The following CMIP variants were observed in gnomAD, a reference collection of about 807,000 sequenced individuals.
CMIP encodes the protein c-Maf inducing protein, also known as C-Maf-inducing protein.
CMIP carries 13 observed loss-of-function variants against 97.3 expected under a neutral mutation model. The ratio of observed to expected loss-of-function variants is 0.13; its 90% confidence interval spans 0.09 to 0.21. CMIP has a LOEUF of 0.21. Ranked by LOEUF, CMIP falls within the 10% of genes least tolerant of loss-of-function variation. The pLI is 1.00. For synonymous variants in CMIP, 538 were observed against 436.3 expected (o/e 1.23, Z -2.91); for missense variants, 847 against 1,024.9 (o/e 0.83, Z 2.37).
rs559438928 is a variant in CMIP, at chr16:81,476,344, C to T, written c.300+30803C>T. ...GAAGTCACCACCCTGATACATAAAC[C>T]CTGGAATGTTCCTGTGAAAGCAGGA... On this transcript the variant is annotated intron_variant, in intron 1 of 20. Transcript: ENST00000537098. 70 of 1,402,404 alleles carry T rather than the reference C, an allele frequency of 5.0e-5. No individual in the cohort carries two copies. In the Admixed American group the frequency reaches 1.1e-3, roughly 22 times the overall value. 86.9% of individuals were successfully genotyped at this position (1,402,404 alleles called of 1,614,324 possible). A position where few individuals can be genotyped will look rare whatever the true frequency, so the allele number is the denominator to read the frequency against.
At chr16:81,686,286 C>T (rs1472903121) in intron 10 of CMIP, among the ~76,000 whole-genome samples, 1 of 152,192 alleles carries the variant, frequency 6.6e-6, no homozygotes, top group African/African-American at 2.4e-5. Flanking sequence ...AAACAGATGA[C>T]CCCTCAGAAG....
At chr16:81,615,483 G>GGT (rs926410085) in intron 2 of CMIP, among the ~76,000 whole-genome samples, 2 of 141,826 alleles carry the variant, frequency 1.4e-5, no homozygotes, top group African/African-American at 5.3e-5. Flanking sequence ...TTGTGTGTGT[G>GGT]GTGTGTGTGT....
chr16:81,465,946 C>T (rs1417416752), intron 1 of CMIP, among the ~76,000 whole-genome samples: 1 of 152,226 alleles, frequency 6.6e-6, no homozygotes, highest in Non-Finnish European at 1.5e-5. Context: ...ACAACCCTTG[C>T]AGAGAAGAAG....
At chr16:81,677,726 T>C (rs1024282224) in intron 9 of CMIP, among the ~76,000 whole-genome samples, 1 of 152,224 alleles carries the variant, frequency 6.6e-6, no homozygotes, top group Non-Finnish European at 1.5e-5. Context: ...CCTGGAGGGT[T>C]ACCCAGGAGG....
intron 1 of CMIP, chr16:81,518,315 T>G (rs1173951749): frequency 6.6e-6 from 1 of 151,928 alleles, no homozygotes; most frequent in African/African-American, 2.4e-5. Flanking sequence ...ACACCTGGAG[T>G]TGGGTAGCAG....
At chr16:81,706,844 G>C (rs189091660) in intron 19 of CMIP, among the ~76,000 whole-genome samples, 170 bp from the exon 20 acceptor site, 10 of 152,126 alleles carry the variant, frequency 6.6e-5, no homozygotes, top group Admixed American at 5.2e-4. Flanking sequence ...ATAGACTTTC[G>C]GTGTCTAGTG....
intron 7 of CMIP, among the ~76,000 whole-genome samples, chr16:81,669,620 A>G (rs1394968080): frequency 1.4e-5 from 1 of 70,048 alleles, no homozygotes; most frequent in Non-Finnish European, 2.9e-5. Flanking sequence ...CTTCCGCACC[A>G]ACCTCTCACC....
intron 11 of CMIP, among the ~76,000 whole-genome samples, chr16:81,692,304 C>T (rs1906179672): frequency 6.6e-6 from 1 of 152,248 alleles, no homozygotes; most frequent in Non-Finnish European, 1.5e-5. Flanking sequence ...CGGTACAACG[C>T]TCAGCTCAGG....
intron 1 of CMIP, among the ~76,000 whole-genome samples, chr16:81,539,113 C>T (rs1597526925): frequency 6.6e-6 from 1 of 152,210 alleles, no homozygotes; most frequent in African/African-American, 2.4e-5. Flanking sequence ...GCTTGAATGT[C>T]ATATTAGCTG....
chr16:81,561,616 C>T (rs142720677), intron 1 of CMIP, among the ~76,000 whole-genome samples: 9 of 152,186 alleles, frequency 5.9e-5, no homozygotes, highest in South Asian at 2.1e-4. Context: ...AGACAATTGC[C>T]CCGGCCTTGA....
intron 1 of CMIP, among the ~76,000 whole-genome samples, chr16:81,555,465 G>A (rs1202605977): frequency 6.6e-6 from 1 of 152,180 alleles, no homozygotes; most frequent in Non-Finnish European, 1.5e-5. Context: ...CACCTGCCCA[G>A]GTAACACACC....
chr16:81,652,705 G>A lies in CMIP; in HGVS notation c.639+341G>A, dbSNP rs138324124. Among the ~76,000 whole-genome samples the A allele has an allele frequency of 2.1e-3, 320 of 152,216 alleles. No individual in the cohort carries two copies. Among genetic ancestry groups the A allele is most frequent in the African/African-American group, 4.6e-3 (189 of 41,532 alleles). On this transcript the variant is annotated intron_variant, in intron 4 of 20. Coordinates refer to ENST00000537098, the MANE Select transcript of CMIP (RefSeq NM_198390.3). This position sits in a 1 kb window ranked among gnomAD's most constrained non-coding sequence, Gnocchi z 5.2. ...CAGGGGGATTCAGCTTTCTGCCCTC[G>A]TCACCCCACAAAGCCTGTAGATGTG...
intron 1 of CMIP, among the ~76,000 whole-genome samples, chr16:81,567,837 C>T (rs1412337383): frequency 1.3e-5 from 2 of 152,196 alleles, no homozygotes; most frequent in South Asian, 2.1e-4. Flanking sequence ...TGCTGTATAT[C>T]TGCAGCCCTG....
At chr16:81,615,397 T>C (rs975151532) in intron 2 of CMIP, among the ~76,000 whole-genome samples, 9 of 147,572 alleles carry the variant, frequency 6.1e-5, no homozygotes, top group Admixed American at 2.7e-4. Context: ...GGTGTGTGTG[T>C]GGTGTATGGT....
At chr16:81,696,695 C>T in intron 14 of CMIP, 28 bp downstream of exon 14, 2 of 1,592,956 alleles carry the variant, frequency 1.3e-6, no homozygotes, top group East Asian at 2.2e-5. Context: ...AGTGGGGTGA[C>T]TTCCAGGGGT....
chr16:81,515,109 C>T (rs1025096736), intron 1 of CMIP, among the ~76,000 whole-genome samples: 1 of 152,226 alleles, frequency 6.6e-6, no homozygotes, highest in African/African-American at 2.4e-5. Flanking sequence ...GTGCCCTGTC[C>T]CAAAGCTCTC....
intron 3 of CMIP, among the ~76,000 whole-genome samples, chr16:81,625,166 G>A (rs1042082736): frequency 6.6e-6 from 1 of 152,208 alleles, no homozygotes; most frequent in African/African-American, 2.4e-5. Flanking sequence ...CTCCCGGCCT[G>A]GCCTCTGCCA....
intron 10 of CMIP, among the ~76,000 whole-genome samples, chr16:81,680,553 GC>G (rs1287967795): frequency 1.3e-5 from 2 of 152,228 alleles, no homozygotes; most frequent in Non-Finnish European, 2.9e-5. Context: ...TTCAGGACCA[GC>G]CCCGCCTCGT....
intron 1 of CMIP, among the ~76,000 whole-genome samples, chr16:81,549,410 C>T (rs1567573190): frequency 6.6e-6 from 1 of 152,212 alleles, no homozygotes; most frequent in Non-Finnish European, 1.5e-5. Flanking sequence ...CAGGAGCCAG[C>T]AGCCGAGGGC....
Sources: gnomAD v4.1 joint callset for allele counts (sites outside exome capture counted in the v4.1 genomes callset) on GRCh38, gnomAD v4.1.1 for gene constraint, Gnocchi (gnomAD v3.1) non-coding constraint, MANE v1.5 for transcripts, NCBI Gene and HGNC (gene_info 2026-07-23, HGNC 2026-07-21) for gene names.